Variants in TRHDE observed in about 807,000 individuals in gnomAD.
TRHDE encodes the protein thyrotropin-releasing hormone-degrading ectoenzyme.
Under a neutral mutation model 125.7 loss-of-function variants are expected in TRHDE, and 72 were observed. The observed-to-expected ratio is 0.57, with a 90% CI of 0.47 to 0.70. The LOEUF is 0.70. TRHDE is among the 30% of genes least tolerant of loss of function. The pLI, the probability that TRHDE is intolerant of heterozygous loss-of-function variation, is 0.00. For missense variants in TRHDE, 1,110 were observed against 1,327.1 expected, an observed-to-expected ratio of 0.84 and a Z score of 2.54; for synonymous variants, 509 against 509.1, an observed-to-expected ratio of 1.00 and a Z score of 0.00.
chr12:72,295,649 T>G, intron 2 of TRHDE, among the ~76,000 whole-genome samples: 1 of 152,294 alleles, frequency 6.6e-6, no homozygotes, highest in Admixed American at 6.5e-5. Flanking sequence ...TCCTGATGCT[T>G]ATTTTTTCTA....
intron 2 of TRHDE, among the ~76,000 whole-genome samples, chr12:72,293,018 T>G (rs1880148121): frequency 6.6e-6 from 1 of 152,144 alleles, no homozygotes; most frequent in African/African-American, 2.4e-5. Context: ...TGGGGTTAAC[T>G]TGATCGCTGG....
chr12:72,273,586 C>T lies in TRHDE; in HGVS notation c.914+29C>T. 1.3e-6 allele frequency: 2 copies of T among 1,548,348 alleles called. No individual in the cohort carries two copies. The highest frequency in any genetic ancestry group is 8.7e-7 in the Non-Finnish European group (1 of 1,147,692). On this transcript the variant is annotated intron_variant, in intron 1 of 18. Transcript: ENST00000261180. This position sits in a 1 kb window ranked among gnomAD's most constrained non-coding sequence, Gnocchi z 5.3. ...TGGAGGGAGGCGGTGCCCCGCGCTG[C>T]CCCACCCCGGCGCGCGGCTCGAACC...
chr12:72,204,110 G>T (rs1239083051), intron 2 of TRHDE, among the ~76,000 whole-genome samples: 2 of 152,020 alleles, frequency 1.3e-5, no homozygotes, highest in African/African-American at 2.4e-5. Context: ...CTGTGGGAGG[G>T]TTTCAGGTTA....
In TRHDE at chr12:72,566,490, A is replaced by G. The variant is rs143965844; in HGVS notation, c.2043-2078A>G. ...AGTGCTGTATGTATGTGGTATTGAC[A>G]TGCATGTATTTATGTGAATCGTTTT... On this transcript the variant is annotated intron_variant, in intron 9 of 18. Transcript: ENST00000261180. Among the ~76,000 whole-genome samples the G allele has an allele frequency of 5.5e-3, 841 of 151,992 alleles. 4 individuals are homozygous for G. The highest frequency in any genetic ancestry group is 0.027 in the Middle Eastern group (8 of 294).
At chr12:72,341,155 C>CT (rs1183006886) in intron 2 of TRHDE, among the ~76,000 whole-genome samples, 1 of 150,076 alleles carries the variant, frequency 6.7e-6, no homozygotes, top group Non-Finnish European at 1.5e-5. Context: ...TAATTATACT[C>CT]TAAGTTCTAG....
chr12:72,268,043 G>A (rs2139399333), upstream of TRHDE, among the ~76,000 whole-genome samples: 1 of 152,262 alleles, frequency 6.6e-6, no homozygotes, highest in Middle Eastern at 3.4e-3. Flanking sequence ...TTGCAGTAAT[G>A]TTAATTTCTC....
intron 3 of TRHDE, among the ~76,000 whole-genome samples, chr12:72,387,789 C>T (rs1212794259): frequency 6.6e-6 from 1 of 152,098 alleles, no homozygotes; most frequent in Non-Finnish European, 1.5e-5. Context: ...ATAAGGGGAA[C>T]ACCCTTTCGC....
intron 2 of TRHDE, among the ~76,000 whole-genome samples, chr12:72,360,248 C>T (rs1871007356): frequency 6.6e-6 from 1 of 151,752 alleles, no homozygotes; most frequent in Non-Finnish European, 1.5e-5. Flanking sequence ...TATTTGACTA[C>T]ATCCAAAGTA....
chr12:72,313,767 G>T (rs1868657605), intron 2 of TRHDE, among the ~76,000 whole-genome samples: 1 of 152,190 alleles, frequency 6.6e-6, no homozygotes, highest in Non-Finnish European at 1.5e-5. Context: ...TGTTTGCATA[G>T]TTGAGACACA....
At chr12:72,427,255 C>T (rs1183120763) in intron 3 of TRHDE, among the ~76,000 whole-genome samples, 1 of 152,040 alleles carries the variant, frequency 6.6e-6, no homozygotes, top group African/African-American at 2.4e-5. Flanking sequence ...TTCTGATTTG[C>T]GTATGTGTGC....
chr12:72,409,543 C>T (rs956634616), intron 3 of TRHDE, among the ~76,000 whole-genome samples: 3 of 152,156 alleles, frequency 2.0e-5, no homozygotes, highest in African/African-American at 7.2e-5. Flanking sequence ...AAACTGGTTT[C>T]CCAGATAGAG....
intron 2 of TRHDE, chr12:72,256,056 G>A (rs529876633): frequency 1.3e-5 from 2 of 152,114 alleles, no homozygotes; most frequent in Admixed American, 6.5e-5. Flanking sequence ...AAATCTACCG[G>A]AAGGACTTTT....
chr12:72,612,251 C>A (rs1425232647), intron 12 of TRHDE, among the ~76,000 whole-genome samples: 1 of 152,172 alleles, frequency 6.6e-6, no homozygotes, highest in Non-Finnish European at 1.5e-5. Flanking sequence ...CAGGTGACAC[C>A]TTCCCTAACC....
chr12:72,394,702 C>G (rs563858038), intron 3 of TRHDE, among the ~76,000 whole-genome samples: 1 of 152,114 alleles, frequency 6.6e-6, no homozygotes, highest in Admixed American at 6.5e-5. Flanking sequence ...GGCAATTTTC[C>G]CTTTACATCT....
chr12:72,173,414 A>C, intron 2 of TRHDE, among the ~76,000 whole-genome samples: 1 of 152,188 alleles, frequency 6.6e-6, no homozygotes, highest in East Asian at 1.9e-4. Context: ...ATTTCCCATG[A>C]TACATAATTC....
At chr12:72,389,152 G>T (rs1432879083) in intron 3 of TRHDE, among the ~76,000 whole-genome samples, 1 of 152,074 alleles carries the variant, frequency 6.6e-6, no homozygotes, top group Admixed American at 6.6e-5. Flanking sequence ...CAGAAATGTT[G>T]CTGGGTGGAG....
chr12:72,104,799 A>G (rs1489916654), intron 1 of TRHDE, among the ~76,000 whole-genome samples: 1 of 152,210 alleles, frequency 6.6e-6, no homozygotes, highest in Non-Finnish European at 1.5e-5. Flanking sequence ...TTATTGACAT[A>G]TGTAACTCAA....
At chr12:72,121,720 CTTT>C (rs57483232) in intron 2 of TRHDE, among the ~76,000 whole-genome samples, 73 of 111,936 alleles carry the variant, frequency 6.5e-4, no homozygotes, top group African/African-American at 1.8e-3. Flanking sequence ...ACGAAGGTGC[CTTT>C]TTTTTTTTTT....
intron 6 of TRHDE, among the ~76,000 whole-genome samples, chr12:72,521,006 C>A (rs896427266): frequency 6.6e-6 from 1 of 152,156 alleles, no homozygotes; most frequent in Non-Finnish European, 1.5e-5. Flanking sequence ...GGCCCAGACT[C>A]ATAATAGCTC....
Sources: gnomAD v4.1 joint callset for allele counts (sites outside exome capture counted in the v4.1 genomes callset) on GRCh38, gnomAD v4.1.1 for gene constraint, Gnocchi (gnomAD v3.1) non-coding constraint, MANE v1.5 for transcripts, NCBI Gene and HGNC (gene_info 2026-07-23, HGNC 2026-07-21) for gene names.